FREM1: variants seen among roughly 807,000 people sequenced by gnomAD.
FREM1 encodes the protein FRAS1 related extracellular matrix 1, also known as FRAS1-related extracellular matrix protein 1.
In FREM1, 220 loss-of-function variants were observed where a neutral mutation model predicts 210.1. The ratio of observed to expected loss-of-function variants is 1.05; its 90% CI spans 0.94 to 1.17. The LOEUF (loss-of-function observed/expected upper bound fraction) is 1.17. Among genes scored for constraint, FREM1 ranks in the 50% most tolerant of loss-of-function variants. FREM1 has a pLI of 0.00. For missense variants in FREM1, 3,454 were observed against 2,675.5 expected, an observed-to-expected ratio of 1.29 and a Z score of -6.42; for synonymous variants, 1,189 against 980.2, an observed-to-expected ratio of 1.21 and a Z score of -3.98.
At chr9:14,751,775 T>C (rs1343423841) in intron 29 of FREM1, 1 of 152,158 alleles carries the variant, frequency 6.6e-6, no homozygotes, top group Non-Finnish European at 1.5e-5. Context: ...ATAGATCTCA[T>C]GATCTAATCA....
intron 27 of FREM1, among the ~76,000 whole-genome samples, chr9:14,765,318 ACAAGTGCTTTAGAAT>A (rs951980069): frequency 1.3e-5 from 2 of 152,198 alleles, no homozygotes; most frequent in African/African-American, 4.8e-5. Flanking sequence ...TGCACCCAAA[ACAAGTGCTTTAGAAT>A]CAAGCACACC....
At chr9:14,874,099 A>G (rs914438549) in intron 1 of FREM1, among the ~76,000 whole-genome samples, 2 of 152,048 alleles carry the variant, frequency 1.3e-5, no homozygotes, top group African/African-American at 2.4e-5. Flanking sequence ...TATGTGGTCA[A>G]TTTTGGAATA....
intron 1 of FREM1, among the ~76,000 whole-genome samples, chr9:14,892,229 C>G (rs149088823): frequency 0.012 from 1,818 of 152,162 alleles, 38 homozygotes; most frequent in African/African-American, 0.041. Flanking sequence ...TGGTGGGATC[C>G]AGTAACATTA....
At chr9:14,775,381 T>G (rs915387195) in intron 25 of FREM1, among the ~76,000 whole-genome samples, 1 of 152,124 alleles carries the variant, frequency 6.6e-6, no homozygotes, top group African/African-American at 2.4e-5. Flanking sequence ...ATGCATAATC[T>G]GTACTTGAAT....
At chr9:14,793,254 GT>G (rs1851741901) in intron 21 of FREM1, among the ~76,000 whole-genome samples, 1 of 152,230 alleles carries the variant, frequency 6.6e-6, no homozygotes, top group South Asian at 2.1e-4. Flanking sequence ...AGGTATGAGT[GT>G]TCTAATTTTA....
intron 25 of FREM1, among the ~76,000 whole-genome samples, chr9:14,775,328 C>T (rs573121495): frequency 6.6e-6 from 1 of 152,228 alleles, no homozygotes; most frequent in East Asian, 1.9e-4. Context: ...TATGAGGGGA[C>T]CATATCTCTT....
At chr9:14,871,422 T>C (rs1832651904) in intron 1 of FREM1, among the ~76,000 whole-genome samples, 1 of 152,204 alleles carries the variant, frequency 6.6e-6, no homozygotes, top group Non-Finnish European at 1.5e-5. Context: ...TGAGCATTTT[T>C]TCATGTGTTA....
intron 1 of FREM1, among the ~76,000 whole-genome samples, chr9:14,874,811 G>A (rs1312531147): frequency 1.1e-4 from 16 of 152,270 alleles, no homozygotes; most frequent in African/African-American, 3.6e-4. Flanking sequence ...GGTACCGGTT[G>A]TTCCTTTCCA....
chr9:14,740,153 C>G lies in FREM1; in HGVS notation c.6336G>C (p.Trp2112Cys). Residue 2112 changes from tryptophan to cysteine, a missense_variant, in exon 36 of 37, where the codon TGG becomes TGC. By Grantham distance (215) the Trp-to-Cys change is radical. Transcript: ENST00000380880. ...GCCTCCCTCCCAGATACTTGCCTAT[C>G]CAAAAGGACTTTCTCCCACCAATGT... ...LWDIGGRKSF[W>C]IGLNDQVHAG... The G allele has an allele frequency of 1.2e-6, 2 of 1,610,864 alleles. No individual in the cohort carries two copies. The highest frequency in any genetic ancestry group is 1.7e-6 in the Non-Finnish European group (2 of 1,177,636).
At chr9:14,893,169 TTCTC>T (rs58771212) in intron 1 of FREM1, among the ~76,000 whole-genome samples, 8 of 150,772 alleles carry the variant, frequency 5.3e-5, no homozygotes, top group South Asian at 2.1e-4. Flanking sequence ...ACTTCTCTCT[TTCTC>T]TCTCTCTCTC....
intron 35 of FREM1, among the ~76,000 whole-genome samples, chr9:14,740,947 A>G (rs1841468540): frequency 6.6e-6 from 1 of 152,200 alleles, no homozygotes; most frequent in African/African-American, 2.4e-5. Flanking sequence ...AAATGCTTTA[A>G]GTAAGAAGCC....
intron 10 of FREM1, among the ~76,000 whole-genome samples, chr9:14,834,102 G>C (rs775822660): frequency 2.0e-5 from 3 of 152,232 alleles, no homozygotes; most frequent in Admixed American, 6.5e-5. Flanking sequence ...GAGCTTTGGT[G>C]AGTAATAACT....
chr9:14,851,747 C>A, intron 5 of FREM1, 140 bp from the exon 6 acceptor site: 2 of 729,542 alleles, frequency 2.7e-6, no homozygotes, highest in East Asian at 2.6e-5. Context: ...ATTGGAATCA[C>A]CTGGGGAGCT....
Position 14,816,816 on chromosome 9 carries a change from C to A in FREM1, c.2602G>T (p.Asp868Tyr). The A allele has an allele frequency of 6.9e-7, 1 of 1,441,356 alleles. No individual in the cohort carries two copies. The highest frequency in any genetic ancestry group is 1.9e-5 in the Admixed American group (1 of 53,332). The allele number at this position is 1,441,356 out of a possible 1,614,324, so 89.3% of individuals were successfully genotyped here. The change falls in exon 15 of 37, where the codon GAT becomes TAT. Residue 868 changes from aspartate to tyrosine, a missense_variant. Coordinates refer to ENST00000380880, the MANE Select transcript of FREM1 (RefSeq NM_001379081.2). ...LQDDLLLEVT[D>Y]GTNSAEFVLH... is the part of the protein sequence containing the mutation. ...ACAAATTCTGCTGAATTTGTGCCAT[C>A]GGTGACCTCCAAGAGTAGGTCATCC...
chr9:14,881,885 T>C (rs1271176582), intron 1 of FREM1, among the ~76,000 whole-genome samples: 1 of 152,162 alleles, frequency 6.6e-6, no homozygotes, highest in Non-Finnish European at 1.5e-5. Context: ...GTGTGCCTCT[T>C]CTCCCTTTTT....
At chr9:14,822,031 A>T (rs976762955) in intron 13 of FREM1, among the ~76,000 whole-genome samples, 7 of 152,184 alleles carry the variant, frequency 4.6e-5, no homozygotes, top group Non-Finnish European at 1.0e-4. Context: ...TTTCCCCCAT[A>T]GTATTCTCAT....
At chr9:14,864,993 T>C (rs1377947769) in intron 2 of FREM1, among the ~76,000 whole-genome samples, 2 of 152,232 alleles carry the variant, frequency 1.3e-5, no homozygotes, top group African/African-American at 4.8e-5. Context: ...TTATGTTTCA[T>C]AATATGTTTT....
At chr9:14,818,531 G>A (rs748449527) in intron 14 of FREM1, among the ~76,000 whole-genome samples, 35 of 152,194 alleles carry the variant, frequency 2.3e-4, no homozygotes, top group Non-Finnish European at 3.8e-4. Flanking sequence ...TGAGAAGTGA[G>A]TGTGTGGGTC....
chr9:14,776,164 C>A lies in FREM1; in HGVS notation c.4482G>T (p.Val1494=). 6.5e-7 allele frequency: 1 copy of A among 1,548,766 alleles called. No homozygotes were observed. ...CCACAGTCTCCAGTGTGATCTCAAA[C>A]ACCCCGTGCTCGGTCCGCAGTCCAT... The part of the protein sequence containing the change: ...ISNGLRTEHG[V]FEITLETVDR... The change falls in exon 25 of 37, where the codon GTG becomes GTT. Residue 1494 remains valine (V), a synonymous_variant. Coordinates refer to ENST00000380880, the MANE Select transcript of FREM1 (RefSeq NM_001379081.2).
Sources: gnomAD v4.1 joint callset for allele counts (sites outside exome capture counted in the v4.1 genomes callset) on GRCh38, gnomAD v4.1.1 for gene constraint, MANE v1.5 for transcripts, NCBI Gene and HGNC (gene_info 2026-07-23, HGNC 2026-07-21) for gene names.